Variants in ATRN observed in about 807,000 individuals in gnomAD.
ATRN encodes the protein attractin, also known as attractin-2.
A neutral mutation model predicts 178.7 loss-of-function variants in ATRN; 54 were observed. The ratio of observed to expected loss-of-function variants is 0.30; its 90% CI spans 0.24 to 0.38. ATRN has a LOEUF of 0.38. Ranked by LOEUF, ATRN falls within the 10% of genes least tolerant of loss-of-function variation. ATRN has a pLI of 1.00. For synonymous variants in ATRN, 636 were observed against 663.0 expected, an observed-to-expected ratio of 0.96 and a Z score of 0.63; for missense variants, 1,443 against 1,815.1, an observed-to-expected ratio of 0.79 and a Z score of 3.73.
chr20:3,522,966 G>A (rs961975192), intron 1 of ATRN, among the ~76,000 whole-genome samples: 7 of 151,942 alleles, frequency 4.6e-5, no homozygotes, highest in Admixed American at 1.3e-4. Context: ...AAAAACCAGC[G>A]CAAAAAGGCT....
chr20:3,546,504 G>T (rs1204497274), intron 4 of ATRN, among the ~76,000 whole-genome samples: 2 of 147,350 alleles, frequency 1.4e-5, no homozygotes, highest in African/African-American at 5.0e-5. Flanking sequence ...CAATTCTCCT[G>T]CCTCAGCCTC....
intron 1 of ATRN, among the ~76,000 whole-genome samples, chr20:3,497,105 C>T (rs1401752879): frequency 2.0e-5 from 3 of 150,350 alleles, no homozygotes. Flanking sequence ...TGGGTCTTGA[C>T]TCTTTATCCA....
At chr20:3,483,358 T>C (rs1464970715) in intron 1 of ATRN, among the ~76,000 whole-genome samples, 2 of 152,212 alleles carry the variant, frequency 1.3e-5, no homozygotes, top group East Asian at 3.8e-4. Context: ...TTACATTCTT[T>C]TTTTTTGTGA....
intron 24 of ATRN, among the ~76,000 whole-genome samples, chr20:3,612,004 G>A (rs1387302471): frequency 6.6e-6 from 1 of 152,172 alleles, no homozygotes; most frequent in African/African-American, 2.4e-5. Flanking sequence ...TTATCCTAGA[G>A]AAATGAAAAC....
At chr20:3,521,140 A>G (rs1038091192) in intron 1 of ATRN, among the ~76,000 whole-genome samples, 7 of 152,182 alleles carry the variant, frequency 4.6e-5, no homozygotes, top group Admixed American at 1.3e-4. Flanking sequence ...AAAACTACCT[A>G]TTAGGTACTA....
At chr20:3,518,203 T>G (rs2085232573) in intron 1 of ATRN, among the ~76,000 whole-genome samples, 1 of 152,166 alleles carries the variant, frequency 6.6e-6, no homozygotes, top group African/African-American at 2.4e-5. Flanking sequence ...GGACGTGGTA[T>G]AACGGGACCC....
intron 2 of ATRN, among the ~76,000 whole-genome samples, chr20:3,539,273 G>A (rs1378920753): frequency 2.0e-5 from 3 of 152,212 alleles, no homozygotes; most frequent in African/African-American, 7.2e-5. Flanking sequence ...GAGTGAGATA[G>A]AGTCACTGGA....
intron 24 of ATRN, among the ~76,000 whole-genome samples, chr20:3,611,575 C>T (rs142819196): frequency 6.6e-6 from 1 of 152,102 alleles, no homozygotes; most frequent in Non-Finnish European, 1.5e-5. Context: ...AACCCCGTCT[C>T]TACTAAAAAT....
chr20:3,625,916 T>C (rs2086934584), intron 25 of ATRN, among the ~76,000 whole-genome samples: 1 of 152,174 alleles, frequency 6.6e-6, no homozygotes, highest in African/African-American at 2.4e-5. Flanking sequence ...TGAAAATATA[T>C]TTATTTTATC....
intron 9 of ATRN, 130 bp downstream of exon 9, chr20:3,562,589 A>G (rs2085971066): frequency 2.4e-6 from 2 of 850,402 alleles, no homozygotes; most frequent in South Asian, 2.1e-5. Context: ...ATATAGAGAA[A>G]TTGGGAAATA....
chr20:3,559,065 T>A (rs554715283), intron 6 of ATRN, among the ~76,000 whole-genome samples: 37 of 152,336 alleles, frequency 2.4e-4, no homozygotes, highest in Admixed American at 4.6e-4. Flanking sequence ...AGAAAAGTTA[T>A]TGTAATAAAA....
At chr20:3,615,872 A>G (rs944664329) in intron 24 of ATRN, 7 of 453,638 alleles carry the variant, frequency 1.5e-5, no homozygotes, top group South Asian at 1.1e-4. Flanking sequence ...GAAGGGGAAC[A>G]TCACACACCA....
chr20:3,620,006 C>T (rs1010144196), intron 24 of ATRN, among the ~76,000 whole-genome samples: 1 of 152,198 alleles, frequency 6.6e-6, no homozygotes, highest in Non-Finnish European at 1.5e-5. Context: ...CCCTCCCTTT[C>T]CCTGCCTCCA....
chr20:3,602,360 A>G (rs1365423548), intron 23 of ATRN, among the ~76,000 whole-genome samples: 1 of 152,094 alleles, frequency 6.6e-6, no homozygotes, highest in African/African-American at 2.4e-5. Context: ...CACCTTCCCA[A>G]GTAGAGTGAT....
chr20:3,625,481 C>G (rs1024977926), intron 25 of ATRN, among the ~76,000 whole-genome samples: 17 of 152,122 alleles, frequency 1.1e-4, no homozygotes, highest in African/African-American at 4.1e-4. Flanking sequence ...GTAGTATTTG[C>G]CATGTTTTGG....
At chr20:3,494,639 A>G (rs2084853328) in intron 1 of ATRN, among the ~76,000 whole-genome samples, 1 of 152,238 alleles carries the variant, frequency 6.6e-6, no homozygotes, top group Admixed American at 6.5e-5. Context: ...AAGATAGGGT[A>G]GATGACAAAG....
At chr20:3,498,484 A>G (rs2084911379) in intron 1 of ATRN, among the ~76,000 whole-genome samples, 1 of 151,932 alleles carries the variant, frequency 6.6e-6, no homozygotes, top group Non-Finnish European at 1.5e-5. Flanking sequence ...CTTATCCACC[A>G]TGATCAAGTG....
chr20:3,492,320 G>C (rs530109096), intron 1 of ATRN, among the ~76,000 whole-genome samples: 1 of 151,958 alleles, frequency 6.6e-6, no homozygotes, highest in Non-Finnish European at 1.5e-5. Flanking sequence ...GAGAGGAGAA[G>C]GATTGACATT....
At chr20:3,541,110 C>T (rs1311272545) in intron 3 of ATRN, among the ~76,000 whole-genome samples, 3 of 146,170 alleles carry the variant, frequency 2.1e-5, no homozygotes, top group African/African-American at 7.6e-5. Flanking sequence ...CGGAGTCTCG[C>T]TCTGTCGCCC....
Sources: allele counts gnomAD v4.1 joint callset (sites outside exome capture counted in the v4.1 genomes callset), GRCh38; gene constraint gnomAD v4.1.1; transcripts MANE v1.5; gene names NCBI Gene and HGNC (gene_info 2026-07-23, HGNC 2026-07-21).